Variants in PDE4B observed in about 807,000 individuals in gnomAD.
PDE4B encodes the protein phosphodiesterase 4B.
In PDE4B, 20 loss-of-function variants were observed where a neutral mutation model predicts 82.2. The observed-to-expected ratio is 0.24, with a 90% confidence interval of 0.17 to 0.35. The LOEUF is 0.35. Ranked by LOEUF, PDE4B falls within the 10% of genes least tolerant of loss-of-function variation. The pLI is 1.00. For synonymous variants in PDE4B, 320 were observed against 318.9 expected (o/e 1.00, Z -0.04); for missense variants, 655 against 907.2 (o/e 0.72, Z 3.57).
intron 7 of PDE4B, chr1:66,266,574 G>T: frequency 2.5e-6 from 1 of 396,830 alleles, no homozygotes; most frequent in South Asian, 1.9e-5. Flanking sequence ...TCCAGGTCAC[G>T]AATCATTTCT....
intron 1 of PDE4B, among the ~76,000 whole-genome samples, chr1:65,840,265 G>T (rs1303932031): frequency 6.6e-6 from 1 of 152,142 alleles, no homozygotes; most frequent in African/African-American, 2.4e-5. Flanking sequence ...TCAAAAGAAA[G>T]ATAGATTGGA....
At chr1:66,255,929 C>T (rs992383472) in intron 4 of PDE4B, among the ~76,000 whole-genome samples, 2 of 152,198 alleles carry the variant, frequency 1.3e-5, no homozygotes, top group African/African-American at 4.8e-5. Context: ...ACTTGGGAGG[C>T]CAAAGTGGGC....
At chr1:66,369,820 GCTT>G (rs1241588202) in intron 16 of PDE4B, among the ~76,000 whole-genome samples, 1 of 151,864 alleles carries the variant, frequency 6.6e-6, no homozygotes, top group East Asian at 1.9e-4. Flanking sequence ...TTATTTTGTT[GCTT>G]CTTAGAGAAA....
intron 2 of PDE4B, among the ~76,000 whole-genome samples, chr1:65,914,603 TAAA>T (rs56913869): frequency 7.2e-6 from 1 of 139,824 alleles, no homozygotes; most frequent in Admixed American, 7.1e-5. Context: ...CTTTTTTTCT[TAAA>T]AAAAAAAAAA....
intron 3 of PDE4B, among the ~76,000 whole-genome samples, chr1:66,101,037 T>C (rs1290318624): frequency 6.6e-6 from 1 of 152,126 alleles, no homozygotes; most frequent in Admixed American, 6.6e-5. Flanking sequence ...AGTGTCCAAG[T>C]GTTGTCATTG....
At position 65,856,258 on chromosome 1, in the gene PDE4B, T is replaced by C. The variant is rs149857754; in HGVS notation, c.-70-56987T>C. 1.1e-3 allele frequency among the ~76,000 whole-genome samples: 170 copies of C among 152,254 alleles called. 1 individual carries two copies. The highest frequency in any genetic ancestry group is 2.8e-3 in the African/African-American group (115 of 41,552). On this transcript the variant is annotated intron_variant, in intron 1 of 16. Coordinates refer to ENST00000341517, the MANE Select transcript of PDE4B (RefSeq NM_002600.4). Reference sequence around the variant, plus strand: ...AGAACGTGCAGGTTTGTTACATGAGTATACATGTGCCATGGTGGTTTGCGG... The same window carrying C: ...AGAACGTGCAGGTTTGTTACATGAGCATACATGTGCCATGGTGGTTTGCGG...
intron 2 of PDE4B, 55 bp downstream of exon 2, chr1:65,913,411 G>A (rs571532408): frequency 1.3e-6 from 2 of 1,557,596 alleles, no homozygotes; most frequent in Admixed American, 1.7e-5. Flanking sequence ...GAAGTCACTG[G>A]ATAATTCTAT....
chr1:66,090,598 A>T (rs765987256), intron 3 of PDE4B, among the ~76,000 whole-genome samples: 1 of 71,474 alleles, frequency 1.4e-5, no homozygotes, highest in Non-Finnish European at 2.6e-5. Flanking sequence ...TGACAAAATT[A>T]TATATATATA....
intron 3 of PDE4B, among the ~76,000 whole-genome samples, chr1:65,943,887 G>A (rs760426415): frequency 4.8e-4 from 73 of 151,976 alleles, no homozygotes; most frequent in Non-Finnish European, 8.0e-4. Context: ...ATAATTTTTT[G>A]TGGAGTCTTT....
intron 3 of PDE4B, among the ~76,000 whole-genome samples, chr1:66,002,841 A>G (rs1010337001): frequency 1.3e-5 from 2 of 152,112 alleles, no homozygotes; most frequent in African/African-American, 2.4e-5. Context: ...TGGAGAAAAG[A>G]GTTTTATATT....
chr1:65,987,075 G>A (rs1650992661), intron 3 of PDE4B, among the ~76,000 whole-genome samples: 1 of 152,150 alleles, frequency 6.6e-6, no homozygotes. Flanking sequence ...TTGGAGATGG[G>A]GAAACCTCAT....
intron 3 of PDE4B, among the ~76,000 whole-genome samples, chr1:65,946,396 A>G (rs1324048590): frequency 6.6e-6 from 1 of 151,946 alleles, no homozygotes; most frequent in Admixed American, 6.6e-5. Context: ...GGTGGCTTCT[A>G]TGGCATAAAT....
At chr1:66,167,766 C>T (rs181498704) in intron 3 of PDE4B, among the ~76,000 whole-genome samples, 26 of 152,264 alleles carry the variant, frequency 1.7e-4, no homozygotes, top group Middle Eastern at 3.4e-3. Flanking sequence ...GGTAAATTAG[C>T]GTGAATCATG....
chr1:66,066,976 T>A (rs2100913798), intron 3 of PDE4B, among the ~76,000 whole-genome samples: 1 of 152,122 alleles, frequency 6.6e-6, no homozygotes, highest in East Asian at 1.9e-4. Flanking sequence ...CAGTTTTAGA[T>A]ACATTTAAGC....
intron 1 of PDE4B, among the ~76,000 whole-genome samples, chr1:65,828,866 G>C (rs1476266356): frequency 1.3e-5 from 2 of 152,118 alleles, no homozygotes; most frequent in African/African-American, 4.8e-5. Flanking sequence ...GTTCAGCTCA[G>C]AGATGGCAGA....
At chr1:66,199,443 C>G (rs981436516) in intron 3 of PDE4B, among the ~76,000 whole-genome samples, 25 of 151,986 alleles carry the variant, frequency 1.6e-4, no homozygotes, top group Non-Finnish European at 3.2e-4. Context: ...CCTTCGCCCA[C>G]TTTTTTTGTT....
At chr1:66,366,136 T>C (rs767897627) in intron 13 of PDE4B, among the ~76,000 whole-genome samples, 1 of 152,174 alleles carries the variant, frequency 6.6e-6, no homozygotes, top group Non-Finnish European at 1.5e-5. Flanking sequence ...AGTAACTCAC[T>C]ACTGTCCCTA....
In PDE4B at chr1:66,363,359, A is replaced by C; in HGVS notation, c.1120-48A>C. On this transcript the variant is annotated intron_variant, in intron 11 of 16. Coordinates refer to ENST00000341517, the MANE Select transcript of PDE4B (RefSeq NM_002600.4). Reference sequence around the variant, plus strand: ...TACTTTTCTGATTTAACTTTCCTCGACTTTTGGACATCTACTTATTTATGT... The same window carrying C: ...TACTTTTCTGATTTAACTTTCCTCGCCTTTTGGACATCTACTTATTTATGT... 1.9e-6 allele frequency: 3 copies of C among 1,563,724 alleles called. No individual in the cohort carries two copies. In the East Asian group the frequency reaches 6.7e-5, roughly 35 times the overall value.
intron 3 of PDE4B, among the ~76,000 whole-genome samples, chr1:65,929,017 T>A (rs554060426): frequency 2.6e-5 from 4 of 152,272 alleles, no homozygotes; most frequent in Admixed American, 6.5e-5. Context: ...AGATTTCTGT[T>A]TATATAAATG....
Sources: allele counts gnomAD v4.1 joint callset (sites outside exome capture counted in the v4.1 genomes callset), GRCh38; gene constraint gnomAD v4.1.1; transcripts MANE v1.5; gene names NCBI Gene and HGNC (gene_info 2026-07-23, HGNC 2026-07-21).